MTSS1: variants seen among roughly 807,000 people sequenced by gnomAD.
The protein encoded by MTSS1 is protein MTSS 1.
MTSS1 carries 18 observed loss-of-function variants against 79.0 expected under a neutral mutation model. The observed-to-expected ratio is 0.23, with a 90% CI of 0.16 to 0.34. The LOEUF (loss-of-function observed/expected upper bound fraction) is 0.34. Ranked by LOEUF, MTSS1 falls within the 10% of genes least tolerant of loss-of-function variation. MTSS1 has a pLI of 1.00. For synonymous variants in MTSS1, 341 were observed against 368.6 expected, an observed-to-expected ratio of 0.93 and a Z score of 0.86; for missense variants, 815 against 986.2, an observed-to-expected ratio of 0.83 and a Z score of 2.33.
At chr8:124,708,163 T>C (rs1328137677) in intron 1 of MTSS1, among the ~76,000 whole-genome samples, 2 of 152,218 alleles carry the variant, frequency 1.3e-5, no homozygotes, top group African/African-American at 2.4e-5. Context: ...GATTGAACCT[T>C]AGCTCTCCCA....
At chr8:124,715,994 C>T (rs567812172) in intron 1 of MTSS1, among the ~76,000 whole-genome samples, 11 of 152,366 alleles carry the variant, frequency 7.2e-5, no homozygotes, top group African/African-American at 2.2e-4. Flanking sequence ...TAGAATTCAA[C>T]TCTGCTTTGA....
At chr8:124,641,860 C>T (rs1818112671) in intron 3 of MTSS1, among the ~76,000 whole-genome samples, 1 of 152,032 alleles carries the variant, frequency 6.6e-6, no homozygotes, top group South Asian at 2.1e-4. Context: ...GTATCAGACC[C>T]AGATGTTAAA....
intron 6 of MTSS1, among the ~76,000 whole-genome samples, chr8:124,570,824 C>T (rs1216113731): frequency 6.6e-6 from 1 of 152,178 alleles, no homozygotes; most frequent in Non-Finnish European, 1.5e-5. Context: ...GCGTGCACCA[C>T]CATGCCCAGC....
intron 3 of MTSS1, among the ~76,000 whole-genome samples, chr8:124,606,372 C>T (rs1834886388): frequency 1.3e-5 from 2 of 151,904 alleles, no homozygotes; most frequent in Non-Finnish European, 2.9e-5. Flanking sequence ...TGGTCTCAAA[C>T]TCATGATCTC....
At chr8:124,647,720 T>C (rs892732365) in intron 3 of MTSS1, among the ~76,000 whole-genome samples, 4 of 152,224 alleles carry the variant, frequency 2.6e-5, no homozygotes, top group African/African-American at 9.6e-5. Context: ...TCGTCAGCTA[T>C]AAAAATAAGC....
At chr8:124,623,553 T>G (rs1442802367) in intron 3 of MTSS1, among the ~76,000 whole-genome samples, 1 of 152,204 alleles carries the variant, frequency 6.6e-6, no homozygotes, top group East Asian at 1.9e-4. Flanking sequence ...ATGCATAAAA[T>G]TAACTGTCCA....
At chr8:124,614,099 G>C (rs1428385426) in intron 3 of MTSS1, among the ~76,000 whole-genome samples, 1 of 151,056 alleles carries the variant, frequency 6.6e-6, no homozygotes, top group African/African-American at 2.4e-5. Context: ...AATAGGCTGA[G>C]GCTGTAATGA....
intron 3 of MTSS1, among the ~76,000 whole-genome samples, chr8:124,678,097 T>C (rs1057080239): frequency 2.0e-5 from 3 of 152,152 alleles, no homozygotes; most frequent in Admixed American, 2.0e-4. Flanking sequence ...AGGTGACAAA[T>C]TGAGACTGAT....
intron 6 of MTSS1, among the ~76,000 whole-genome samples, chr8:124,579,030 A>C (rs113176468): frequency 1.3e-5 from 2 of 152,234 alleles, no homozygotes; most frequent in African/African-American, 4.8e-5. Flanking sequence ...ACCAGCCCCT[A>C]CAAGAGAAAA....
intron 3 of MTSS1, among the ~76,000 whole-genome samples, chr8:124,625,901 C>T (rs1433347321): frequency 6.6e-6 from 1 of 152,154 alleles, no homozygotes; most frequent in African/African-American, 2.4e-5. Context: ...ATGCAAGGTC[C>T]CCACTGCCTC....
At chr8:124,602,207 A>ATATATATATATATATATATATATAT in intron 3 of MTSS1, among the ~76,000 whole-genome samples, 5 of 142,236 alleles carry the variant, frequency 3.5e-5, no homozygotes, top group African/African-American at 1.1e-4. Context: ...ATATATATAT[A>ATATATATATATATATATATATATAT]ATTTTTTTTT....
intron 3 of MTSS1, among the ~76,000 whole-genome samples, chr8:124,631,746 C>A (rs1210103644): frequency 6.6e-6 from 1 of 152,256 alleles, no homozygotes; most frequent in Non-Finnish European, 1.5e-5. Context: ...CTTAGCCAAC[C>A]TCCTACAGCG....
intron 1 of MTSS1, among the ~76,000 whole-genome samples, chr8:124,706,021 G>T (rs1327499060): frequency 6.6e-6 from 1 of 152,172 alleles, no homozygotes; most frequent in East Asian, 1.9e-4. Flanking sequence ...AAGTGGTGAA[G>T]AAACAATTAC....
intron 3 of MTSS1, among the ~76,000 whole-genome samples, chr8:124,685,689 C>T (rs912216263): frequency 6.6e-6 from 1 of 152,178 alleles, no homozygotes; most frequent in Non-Finnish European, 1.5e-5. Flanking sequence ...TTCAAGACAC[C>T]ATTCATCCCC....
intron 3 of MTSS1, among the ~76,000 whole-genome samples, chr8:124,624,481 G>A (rs944486146): frequency 1.1e-4 from 17 of 152,182 alleles, no homozygotes; most frequent in African/African-American, 3.9e-4. Context: ...GATGGGTACA[G>A]GGGAATCACA....
intron 9 of MTSS1, 141 bp from the exon 10 acceptor site, chr8:124,563,133 G>GAGAT: frequency 2.8e-6 from 2 of 713,028 alleles, no homozygotes; most frequent in Non-Finnish European, 2.3e-6. Flanking sequence ...CTCTGCCCTG[G>GAGAT]AGATGCAGTG....
intron 3 of MTSS1, among the ~76,000 whole-genome samples, chr8:124,649,953 T>C (rs1458539132): frequency 6.6e-6 from 1 of 151,626 alleles, no homozygotes; most frequent in African/African-American, 2.4e-5. Context: ...TTCATCCTTT[T>C]AACAGACAGC....
intron 3 of MTSS1, among the ~76,000 whole-genome samples, chr8:124,601,619 G>C (rs1833830796): frequency 6.6e-6 from 1 of 152,214 alleles, no homozygotes; most frequent in Admixed American, 6.5e-5. Flanking sequence ...AAATTGGCAG[G>C]GGTCTTTTCA....
chr8:124,677,194 T>A (rs899146573), intron 3 of MTSS1, among the ~76,000 whole-genome samples: 2 of 151,012 alleles, frequency 1.3e-5, no homozygotes, highest in African/African-American at 4.9e-5. Flanking sequence ...AGGGAGAAAA[T>A]TTTTTTTAAG....
Sources: allele counts gnomAD v4.1 joint callset (sites outside exome capture counted in the v4.1 genomes callset), GRCh38; gene constraint gnomAD v4.1.1; transcripts MANE v1.5; gene names NCBI Gene and HGNC (gene_info 2026-07-23, HGNC 2026-07-21).